Variants in RBFOX1 observed in about 807,000 individuals in gnomAD.
RBFOX1 encodes RNA binding fox-1 homolog 1.
RBFOX1 carries 8 observed loss-of-function variants against 57.7 expected under a neutral mutation model. That is an observed-to-expected ratio of 0.14 (90% CI 0.08 to 0.25). The LOEUF (loss-of-function observed/expected upper bound fraction) is 0.25, where lower values mean the gene tolerates loss of function less well. Ranked by LOEUF, RBFOX1 falls within the 10% of genes least tolerant of loss-of-function variation. The pLI is 1.00. For missense variants in RBFOX1, 611 were observed against 548.5 expected, an observed-to-expected ratio of 1.11 and a Z score of -1.14; for synonymous variants, 326 against 222.4, an observed-to-expected ratio of 1.47 and a Z score of -4.15.
At chr16:6,174,600 A>T (rs1182609262) in intron 1 of RBFOX1, among the ~76,000 whole-genome samples, 1 of 152,158 alleles carries the variant, frequency 6.6e-6, no homozygotes, top group Admixed American at 6.5e-5. Flanking sequence ...ATCTCCAAAA[A>T]ATAAAAATAA....
intron 3 of RBFOX1, among the ~76,000 whole-genome samples, chr16:5,709,266 G>T (rs759547583): frequency 6.6e-6 from 1 of 152,158 alleles, no homozygotes; most frequent in African/African-American, 2.4e-5. Flanking sequence ...AGGCAGCAAA[G>T]ACGATGGGTG....
intron 4 of RBFOX1, among the ~76,000 whole-genome samples, chr16:5,889,977 G>A (rs1299007229): frequency 3.9e-5 from 6 of 152,210 alleles, no homozygotes; most frequent in African/African-American, 1.2e-4. Context: ...GTGAGATGTA[G>A]CTCCAGCTTC....
chr16:7,174,382 C>G (rs1453308574), intron 4 of RBFOX1, among the ~76,000 whole-genome samples: 1 of 152,142 alleles, frequency 6.6e-6, no homozygotes, highest in Non-Finnish European at 1.5e-5. Context: ...ACTATGAACA[C>G]TTGTTTCCAA....
chr16:5,926,860 C>G (rs900946605), intron 4 of RBFOX1, among the ~76,000 whole-genome samples: 1 of 152,132 alleles, frequency 6.6e-6, no homozygotes, highest in African/African-American at 2.4e-5. Context: ...CCTGTTAAGT[C>G]GGGTATTTTT....
intron 4 of RBFOX1, among the ~76,000 whole-genome samples, chr16:7,508,393 C>T (rs748401510): frequency 6.6e-6 from 1 of 152,122 alleles, no homozygotes; most frequent in African/African-American, 2.4e-5. Flanking sequence ...GGTTGAAGGA[C>T]AGAAGTTGGC....
chr16:6,107,151 T>C (rs2096390845), intron 1 of RBFOX1, among the ~76,000 whole-genome samples: 1 of 152,194 alleles, frequency 6.6e-6, no homozygotes, highest in South Asian at 2.1e-4. Flanking sequence ...TTTTTTGTTT[T>C]TTTGTTTTTT....
At chr16:6,765,601 G>T (rs912150409) in intron 3 of RBFOX1, among the ~76,000 whole-genome samples, 1 of 152,144 alleles carries the variant, frequency 6.6e-6, no homozygotes, top group Non-Finnish European at 1.5e-5. Context: ...ATTTTTCAAA[G>T]AAGTAAAAGT....
At chr16:7,448,392 C>A (rs923248443) in intron 4 of RBFOX1, among the ~76,000 whole-genome samples, 3 of 152,140 alleles carry the variant, frequency 2.0e-5, no homozygotes, top group African/African-American at 7.2e-5. Flanking sequence ...CTGGGGAGAC[C>A]TCACAATCAT....
At chr16:6,393,586 A>T (rs1013096970) in intron 2 of RBFOX1, among the ~76,000 whole-genome samples, 1 of 152,076 alleles carries the variant, frequency 6.6e-6, no homozygotes, top group East Asian at 1.9e-4. Context: ...TTCCCTTTCA[A>T]TCTTGGGGTA....
At chr16:7,588,550 A>G (rs2094257000) in intron 7 of RBFOX1, among the ~76,000 whole-genome samples, 1 of 152,226 alleles carries the variant, frequency 6.6e-6, no homozygotes, top group African/African-American at 2.4e-5. Context: ...CCAGGCTATT[A>G]GGAATTTTAA....
In RBFOX1 at chr16:7,009,118, CTCCCTTCCTCCCTCCA is replaced by C. The variant is rs1379819079; in HGVS notation, c.-15-42933_-15-42918del. Among the ~76,000 whole-genome samples the C allele has an allele frequency of 1.6e-3, 7 of 4,438 alleles. 1 individual carries two copies. Among genetic ancestry groups the C allele is most frequent in the Non-Finnish European group, 3.9e-3 (5 of 1,290 alleles). The allele number at this position is 4,438 out of a possible 152,430, so 2.9% of individuals were successfully genotyped here. ...CCTCCCTCCCTCCCTCCCTTCCTCC[CTCCCTTCCTCCCTCCA>C]TCCCTCCCTCCCTCACTTCCTCCCT... On this transcript the variant is annotated intron_variant, in intron 3 of 15. Transcript: ENST00000550418.
chr16:6,670,066 C>G (rs532675802), intron 3 of RBFOX1, among the ~76,000 whole-genome samples: 1 of 152,198 alleles, frequency 6.6e-6, no homozygotes, highest in East Asian at 1.9e-4. Context: ...CTAGTGTCCA[C>G]GTTGGAGTGC....
In RBFOX1 at chr16:6,373,075, T is replaced by C. The variant is rs577465570; in HGVS notation, c.-64+56018T>C. On this transcript the variant is annotated intron_variant, in intron 2 of 15. Transcript: ENST00000550418. ...AGTTGGATGGAAGGATAGTTCATTG[T>C]GATCACTGGGTAGGAGTATTGTTGG... Among the ~76,000 whole-genome samples, 1,294 of 138,292 alleles carry C rather than the reference T, an allele frequency of 9.4e-3. 22 individuals carry two copies. Among genetic ancestry groups the C allele is most frequent in the African/African-American group, 0.031 (1,154 of 36,648 alleles). The allele number at this position is 138,292 out of a possible 152,430, so 90.7% of individuals were successfully genotyped here.
chr16:6,761,731 T>G (rs2076634909), intron 3 of RBFOX1, among the ~76,000 whole-genome samples: 1 of 151,784 alleles, frequency 6.6e-6, no homozygotes, highest in Admixed American at 6.6e-5. Context: ...GGTCTTGAAT[T>G]CCTGACCTTG....
chr16:6,688,357 C>G (rs978436114), intron 3 of RBFOX1, among the ~76,000 whole-genome samples: 4 of 152,118 alleles, frequency 2.6e-5, no homozygotes, highest in Non-Finnish European at 5.9e-5. Flanking sequence ...ATTCAATCAC[C>G]TCTCATCAGG....
In RBFOX1 at chr16:7,417,140, C is replaced by T. The variant is rs528416888; in HGVS notation, c.28-101007C>T. ...ATCCCAGCACTTTGGGAGGCGGAGG[C>T]GGGTGGATCATCTGAGGTCAGGAGT... On this transcript the variant is annotated intron_variant, in intron 4 of 15. Transcript: ENST00000550418. Among the ~76,000 whole-genome samples the T allele has an allele frequency of 3.1e-3, 473 of 152,030 alleles. 2 individuals are homozygous for T. The highest frequency in any genetic ancestry group is 2.7e-3 in the Non-Finnish European group (182 of 67,958).
At chr16:7,275,346 A>G (rs543589868) in intron 4 of RBFOX1, among the ~76,000 whole-genome samples, 1 of 152,348 alleles carries the variant, frequency 6.6e-6, no homozygotes, top group Admixed American at 6.5e-5. Context: ...CCCTCTGCTT[A>G]ACCATTTCCC....
chr16:5,688,542 C>T (rs1366043511), intron 3 of RBFOX1, among the ~76,000 whole-genome samples: 2 of 152,164 alleles, frequency 1.3e-5, no homozygotes, highest in East Asian at 3.9e-4. Flanking sequence ...CAGTGATGTT[C>T]CCTTTCCTCC....
At chr16:5,581,262 C>G (rs2046656212) in intron 2 of RBFOX1, among the ~76,000 whole-genome samples, 1 of 152,168 alleles carries the variant, frequency 6.6e-6, no homozygotes, top group African/African-American at 2.4e-5. Flanking sequence ...GTGCCAGGGA[C>G]TGTGCTAAGT....
Sources: allele counts gnomAD v4.1 joint callset (sites outside exome capture counted in the v4.1 genomes callset), GRCh38; gene constraint gnomAD v4.1.1; transcripts MANE v1.5; gene names NCBI Gene and HGNC (gene_info 2026-07-23, HGNC 2026-07-21).